FGF8: variants seen among roughly 807,000 people sequenced by gnomAD.
The protein encoded by FGF8 is fibroblast growth factor 8.
A neutral mutation model predicts 29.7 loss-of-function variants in FGF8; 12 were observed. That is an observed-to-expected ratio of 0.40 (90% confidence interval 0.26 to 0.65). The LOEUF (loss-of-function observed/expected upper bound fraction) is 0.65. Among genes scored for constraint, FGF8 ranks in the 30% least tolerant of loss-of-function variants. The pLI is 0.37. For synonymous variants in FGF8, 157 were observed against 144.4 expected (o/e 1.09, Z -0.63); for missense variants, 271 against 345.1 (o/e 0.79, Z 1.70).
intron 4 of FGF8, among the ~76,000 whole-genome samples, chr10:101,773,937 T>A (rs1224964342): frequency 6.6e-6 from 1 of 152,214 alleles, no homozygotes; most frequent in Non-Finnish European, 1.5e-5. Flanking sequence ...ATGCCTCACC[T>A]TTTTATTACA....
chr10:101,778,751 C>T (rs1286845722), upstream of FGF8, among the ~76,000 whole-genome samples: 1 of 152,246 alleles, frequency 6.6e-6, no homozygotes, highest in African/African-American at 2.4e-5. Context: ...CCCTGGCACG[C>T]CCCGTGACTG....
At chr10:101,779,427 C>T (rs1157796574), upstream of FGF8, among the ~76,000 whole-genome samples, 1 of 152,252 alleles carries the variant, frequency 6.6e-6, no homozygotes, top group Non-Finnish European at 1.5e-5. This position sits in a 1 kb window ranked among gnomAD's most constrained non-coding sequence, Gnocchi z 5.7. Flanking sequence ...AGCGCTCCTA[C>T]TGTGCGCTGA....
chr10:101,772,135 C>T lies in FGF8; in HGVS notation c.338-566G>A, dbSNP rs1161254126. Among the ~76,000 whole-genome samples, 3 of 152,254 alleles carry T rather than the reference C, an allele frequency of 2.0e-5. No homozygotes were observed. Among genetic ancestry groups the T allele is most frequent in the African/African-American group, 7.2e-5 (3 of 41,470 alleles). ...CCCAGCCCCTCAACATCACCAGGCT[C>T]TGCTCTGCTGAGAAGGTGCTAGGGA... On this transcript the variant is annotated intron_variant, in intron 4 of 5. Coordinates refer to ENST00000320185, the MANE Select transcript of FGF8 (RefSeq NM_033163.5). This position sits in a 1 kb window ranked among gnomAD's most constrained non-coding sequence, Gnocchi z 4.4.
chr10:101,773,521 G>T (rs796522446), intron 4 of FGF8, among the ~76,000 whole-genome samples: 1 of 151,118 alleles, frequency 6.6e-6, no homozygotes, highest in Admixed American at 6.6e-5. Flanking sequence ...AGCTGGGGCC[G>T]CAGTTTACGG....
In FGF8 at chr10:101,771,500, T is replaced by A. The variant is rs575711617; in HGVS notation, c.407A>T (p.Tyr136Phe). 6.2e-7 allele frequency: 1 copy of A among 1,614,196 alleles called. No homozygotes were observed. Among genetic ancestry groups the A allele is most frequent in the Admixed American group, 1.7e-5 (1 of 60,028 alleles). The change falls in exon 5 of 6, where the codon TAC becomes TTC. Residue 136 changes from tyrosine to phenylalanine, a missense_variant. Tyr to Phe is a conservative substitution (Grantham distance 22, BLOSUM62 3). This residue lies in a region of FGF8 where 168 missense variants were observed against 207.0 expected (regional missense o/e 0.81). Coordinates refer to ENST00000320185, the MANE Select transcript of FGF8 (RefSeq NM_033163.5). The surrounding 1 kb of genome is among the most constrained non-coding windows in gnomAD (Gnocchi z 5.3). ...VRVRGAETGL[Y>F]ICMNKKGKLI... is the part of the protein sequence containing the mutation. ...CTTCCCCTTCTTGTTCATGCAGATG[T>A]AGAGGCCCGTCTCGGCTCCTCGGAC...
In FGF8 at chr10:101,774,992, G is replaced by A; in HGVS notation, c.157-80C>T. The A allele has an allele frequency of 3.2e-6, 5 of 1,549,514 alleles. No individual in the cohort carries two copies. In the South Asian group the frequency reaches 5.7e-5, roughly 18 times the overall value. ...GGCCCGAGTGGCCCCATCACCCTGC[G>A]TCCCCCTCACTGCCCCAAGCCGCCA... On this transcript the variant is annotated intron_variant, in intron 3 of 5. Coordinates refer to ENST00000320185, the MANE Select transcript of FGF8 (RefSeq NM_033163.5).
In FGF8 at chr10:101,770,593, G is replaced by T; in HGVS notation, c.471C>A (p.Val157=). 1 of 1,611,936 alleles carries T rather than the reference G, an allele frequency of 6.2e-7. No individual in the cohort carries two copies. The highest frequency in any genetic ancestry group is 8.5e-7 in the Non-Finnish European group (1 of 1,179,970). ...AKSNGKGKDC[V]FTEIVLENNY... ...TGTTCTCCAGCACAATCTCCGTGAA[G>T]ACGCAGTCCTTGCCTTTGCCGTTGC... The change falls in exon 6 of 6, where the codon GTC becomes GTA. Residue 157 remains valine (V), a synonymous_variant. Coordinates refer to ENST00000320185, the MANE Select transcript of FGF8 (RefSeq NM_033163.5).
At position 101,775,729 on chromosome 10, in the gene FGF8, C is replaced by T. The variant is rs1441476115; in HGVS notation, c.69+11G>A. The stretch of plus-strand genomic sequence containing the variant: ...CGCGCCCGGCCCCCGCCTCCGCGCA[C>T]CCCTCCTCACCTGGGCTTGGAGGCA... On this transcript the variant is annotated intron_variant, in intron 2 of 5. Coordinates refer to ENST00000320185, the MANE Select transcript of FGF8 (RefSeq NM_033163.5). This position sits in a 1 kb window ranked among gnomAD's most constrained non-coding sequence, Gnocchi z 4.6. 6.5e-7 allele frequency: 1 copy of T among 1,544,382 alleles called. No homozygotes were observed. Among genetic ancestry groups the T allele is most frequent in the Non-Finnish European group, 8.7e-7 (1 of 1,145,608 alleles).
At chr10:101,774,967 G>T in intron 3 of FGF8, 55 bp from the exon 4 acceptor site, 1 of 1,588,810 alleles carries the variant, frequency 6.3e-7, no homozygotes, top group East Asian at 2.2e-5. Context: ...TCCGCCCAGG[G>T]GCCCGAGTGG....
At chr10:101,774,960 G>T in intron 3 of FGF8, 48 bp from the exon 4 acceptor site, 1 of 1,598,900 alleles carries the variant, frequency 6.3e-7, no homozygotes, top group Non-Finnish European at 8.6e-7. Flanking sequence ...ATGCTACTCC[G>T]CCCAGGGGCC....
chr10:101,775,295 A>G lies in FGF8; in HGVS notation c.70-79T>C. ...ATTTATAAAGACAAATTTACGGAGC[A>G]AATGTTGAGAGTGCAGGGAACCTGG... On this transcript the variant is annotated intron_variant, in intron 2 of 5. Coordinates refer to ENST00000320185, the MANE Select transcript of FGF8 (RefSeq NM_033163.5). The surrounding 1 kb of genome is among the most constrained non-coding windows in gnomAD (Gnocchi z 4.6). The G allele has an allele frequency of 9.4e-7, 1 of 1,068,064 alleles. No individual in the cohort carries two copies. Among genetic ancestry groups the G allele is most frequent in the South Asian group, 1.3e-5 (1 of 74,252 alleles). 66.2% of individuals were successfully genotyped at this position (1,068,064 alleles called of 1,614,324 possible).
chr10:101,770,244 G>T lies in FGF8; in HGVS notation c.*85C>A. 7.4e-7 allele frequency: 1 copy of T among 1,345,662 alleles called. No homozygotes were observed. Among genetic ancestry groups the T allele is most frequent in the Non-Finnish European group, 1.0e-6 (1 of 987,472 alleles). The allele number at this position is 1,345,662 out of a possible 1,614,324, so 83.4% of individuals were successfully genotyped here. ...GCACCTCCCCAGCCTGCAGAGCAGCGCACAGCTCATCTTGCTTGAGTTTTG... is the reference window on the plus strand; with the variant it reads ...GCACCTCCCCAGCCTGCAGAGCAGCTCACAGCTCATCTTGCTTGAGTTTTG... On this transcript the variant is annotated 3_prime_UTR_variant, in exon 6 of 6. Coordinates refer to ENST00000320185, the MANE Select transcript of FGF8 (RefSeq NM_033163.5).
intron 4 of FGF8, 103 bp downstream of exon 4, chr10:101,774,629 C>G (rs1458556132): frequency 1.0e-6 from 1 of 994,396 alleles, no homozygotes; most frequent in Non-Finnish European, 1.5e-6. Flanking sequence ...TGCCTTAACT[C>G]CTTCCCTTCT....
chr10:101,776,951 T>G (rs2065103570), upstream of FGF8, among the ~76,000 whole-genome samples: 1 of 150,430 alleles, frequency 6.6e-6, no homozygotes, highest in Non-Finnish European at 1.5e-5. Context: ...AGTCCGGAGG[T>G]CCCTGGCAGG....
upstream of FGF8, among the ~76,000 whole-genome samples, chr10:101,777,666 CA>C (rs1236118640): frequency 2.0e-5 from 3 of 152,250 alleles, no homozygotes; most frequent in Non-Finnish European, 2.9e-5. Context: ...CTTGCCCACA[CA>C]GACCTTGCCC....
rs768621428 is a variant in FGF8, at chr10:101,770,421, C to T, written c.643G>A (p.Glu215Lys). 3 of 1,608,360 alleles carry T rather than the reference C, an allele frequency of 1.9e-6. No individual in the cohort carries two copies. The highest frequency in any genetic ancestry group is 2.7e-5 in the African/African-American group (2 of 74,892). ...KRLPRGHHTT[E>K]QSLRFEFLNY... ...AGGAACTCGAAGCGCAGGCTCTGCTCGGTGGTGTGGTGGCCCCGGGGCAGC... is the reference window on the plus strand; with the variant it reads ...AGGAACTCGAAGCGCAGGCTCTGCTTGGTGGTGTGGTGGCCCCGGGGCAGC... Residue 215 changes from glutamate to lysine, a missense_variant, in exon 6 of 6, where the codon GAG becomes AAG. Physicochemically the swap from Glu to Lys is moderately conservative, Grantham distance 56. Around this residue, in one of 3 missense-constraint regions of FGF8, gnomAD observed 62 missense variants for 58.1 expected, o/e 1.07. Coordinates refer to ENST00000320185, the MANE Select transcript of FGF8 (RefSeq NM_033163.5).
At position 101,770,229 on chromosome 10, in the gene FGF8, A is replaced by T. The variant is rs1207051062; in HGVS notation, c.*100T>A. On this transcript the variant is annotated 3_prime_UTR_variant, in exon 6 of 6. Transcript: ENST00000320185. ...CCCAGGGCTCCCCCAGCACCTCCCC[A>T]GCCTGCAGAGCAGCGCACAGCTCAT... 1 of 1,212,068 alleles carries T rather than the reference A, an allele frequency of 8.3e-7. No homozygotes were observed. The highest frequency in any genetic ancestry group is 2.7e-5 in the Admixed American group (1 of 36,618). 75.1% of individuals were successfully genotyped at this position (1,212,068 alleles called of 1,614,324 possible).
rs749605885 is a variant in FGF8, at chr10:101,775,781, G to A, written c.33-5C>T. The A allele has an allele frequency of 6.4e-5, 99 of 1,544,120 alleles. No homozygotes were observed. Among genetic ancestry groups the A allele is most frequent in the Admixed American group, 2.4e-4 (12 of 50,940 alleles). On this transcript the variant is annotated splice_region_variant and splice_polypyrimidine_tract_variant and intron_variant, in intron 1 of 5. Transcript: ENST00000320185. This position sits in a 1 kb window ranked among gnomAD's most constrained non-coding sequence, Gnocchi z 4.6. ...AGGACCAGCAAGTGCAACAGCCTGT[G>A]GGAGACAAAAGCGGGCGGGAGAGAG... is the stretch of plus-strand genomic sequence containing the variant.
rs769041438 is a variant in FGF8, at chr10:101,774,904, AACAGTT to A, written c.159_164del (p.Thr54_Val55del). On this transcript the variant is annotated inframe_deletion and splice_region_variant, in exon 4 of 6. Coordinates refer to ENST00000320185, the MANE Select transcript of FGF8 (RefSeq NM_033163.5). Reference sequence around the variant, plus strand: ...GCTGTGTAAAATTAGGTGAGGACTGAACAGTTACCTTTAGGAAATTGAAAAATACAC... The same window carrying A: ...GCTGTGTAAAATTAGGTGAGGACTGAACCTTTAGGAAATTGAAAAATACAC... The A allele has an allele frequency of 6.2e-7, 1 of 1,614,012 alleles. No homozygotes were observed. The highest frequency in any genetic ancestry group is 8.5e-7 in the Non-Finnish European group (1 of 1,180,000).
Sources: gnomAD v4.1 joint callset for allele counts (sites outside exome capture counted in the v4.1 genomes callset) on GRCh38, gnomAD v4.1.1 for gene constraint, gnomAD v4.1.1 regional missense constraint, Gnocchi (gnomAD v3.1) non-coding constraint, MANE v1.5 for transcripts, NCBI Gene and HGNC (gene_info 2026-07-23, HGNC 2026-07-21) for gene names.